ACADL: variants seen among roughly 807,000 people sequenced by gnomAD.
ACADL encodes the protein acyl-CoA dehydrogenase long chain, also known as long-chain specific acyl-CoA dehydrogenase, mitochondrial.
In ACADL, 60 loss-of-function variants were observed where a neutral mutation model predicts 56.9. That is an observed-to-expected ratio of 1.05 (90% CI 0.86 to 1.31). The LOEUF (loss-of-function observed/expected upper bound fraction) is 1.31, where lower values mean the gene tolerates loss of function less well. ACADL is among the 50% of genes most tolerant of loss of function. The pLI is 0.00. For missense variants in ACADL, 484 were observed against 525.5 expected, an observed-to-expected ratio of 0.92 and a Z score of 0.77; for synonymous variants, 158 against 179.7, an observed-to-expected ratio of 0.88 and a Z score of 0.97.
At chr2:210,220,128 T>C (rs574604238) in intron 2 of ACADL, among the ~76,000 whole-genome samples, 6 of 152,336 alleles carry the variant, frequency 3.9e-5, no homozygotes, top group African/African-American at 1.4e-4. Context: ...ATTTTCAACT[T>C]GTAACCCCAT....
At chr2:210,204,769 C>A (rs899252966) in intron 6 of ACADL, 87 bp from the exon 7 acceptor site, 3 of 1,161,752 alleles carry the variant, frequency 2.6e-6, no homozygotes, top group Non-Finnish European at 3.8e-6. Flanking sequence ...ATTATTTTTT[C>A]CAAAAAAACA....
In ACADL at chr2:210,212,618, C is replaced by T. The variant is rs114721970; in HGVS notation, c.537-2356G>A. Among the ~76,000 whole-genome samples the T allele has an allele frequency of 1.6e-3, 248 of 152,238 alleles. 1 individual carries two copies. Among genetic ancestry groups the T allele is most frequent in the African/African-American group, 5.7e-3 (237 of 41,524 alleles). ...GTCTCTGCTAATTTGTCACAGACGC[C>T]ATAAAGCAACAAATATACTCTCTTA... On this transcript the variant is annotated intron_variant, in intron 4 of 10. Coordinates refer to ENST00000233710, the MANE Select transcript of ACADL (RefSeq NM_001608.4).
At chr2:210,191,528 A>G (rs1257969676) in intron 10 of ACADL, among the ~76,000 whole-genome samples, 3 of 152,204 alleles carry the variant, frequency 2.0e-5, no homozygotes, top group Non-Finnish European at 2.9e-5. Context: ...ACTAAACCAC[A>G]CAAACATTGA....
Position 210,205,767 on chromosome 2 carries a change from A to G in ACADL, c.633T>C (p.Asp211=). 1 of 1,614,086 alleles carries G rather than the reference A, an allele frequency of 6.2e-7. No homozygotes were observed. Among genetic ancestry groups the G allele is most frequent in the South Asian group, 1.1e-5 (1 of 91,086 alleles). ...TTGTGACCGCAACTACAATCACAAC[A>G]TCACTTAATGACCCATTACTGATGA... ...KVFISNGSLS[D]VVIVVAVTNH... The change falls in exon 6 of 11, where the codon GAT becomes GAC. Residue 211 remains aspartate (D), a synonymous_variant. Transcript: ENST00000233710.
intron 5 of ACADL, among the ~76,000 whole-genome samples, chr2:210,207,904 G>A (rs1042956287): frequency 6.6e-6 from 1 of 152,046 alleles, no homozygotes; most frequent in African/African-American, 2.4e-5. Flanking sequence ...ATTCTTTTTG[G>A]CACAGAGGAG....
At chr2:210,202,136 T>A (rs1017189736) in intron 8 of ACADL, among the ~76,000 whole-genome samples, 11 of 152,116 alleles carry the variant, frequency 7.2e-5, no homozygotes, top group African/African-American at 2.4e-4. Flanking sequence ...TAGCCCAGGC[T>A]GGATGGAGTG....
chr2:210,197,244 T>A (rs1688725066), intron 8 of ACADL, among the ~76,000 whole-genome samples: 1 of 152,188 alleles, frequency 6.6e-6, no homozygotes, highest in Non-Finnish European at 1.5e-5. Flanking sequence ...TGGCATCGAA[T>A]GATTCCAAAA....
chr2:210,219,623 T>C (rs995305447), intron 2 of ACADL, among the ~76,000 whole-genome samples: 1 of 152,198 alleles, frequency 6.6e-6, no homozygotes, highest in Admixed American at 6.5e-5. Context: ...GAAGTTACTT[T>C]TAATGCTATT....
At chr2:210,191,515 T>C (rs1270897512) in intron 10 of ACADL, among the ~76,000 whole-genome samples, 2 of 152,160 alleles carry the variant, frequency 1.3e-5, no homozygotes, top group Admixed American at 1.3e-4. Context: ...TTCTTAAATG[T>C]GAACTAAACC....
chr2:210,209,284 C>T (rs59610629), intron 5 of ACADL, among the ~76,000 whole-genome samples: 12 of 152,292 alleles, frequency 7.9e-5, no homozygotes, highest in African/African-American at 1.7e-4. Context: ...CTTTCCTTCA[C>T]GTAACACTCA....
In ACADL at chr2:210,188,915, T is replaced by TA; in HGVS notation, c.*45dup. 2.2e-6 allele frequency: 3 copies of TA among 1,380,138 alleles called. No individual in the cohort carries two copies. The highest frequency in any genetic ancestry group is 3.1e-6 in the Non-Finnish European group (3 of 966,804). The allele number at this position is 1,380,138 out of a possible 1,614,324, so 85.5% of individuals were successfully genotyped here. A position where few individuals can be genotyped will look rare whatever the true frequency, so the allele number is the denominator to read the frequency against. The stretch of plus-strand genomic sequence containing the variant: ...AGTTACATTTTATCTTGAGCAGATT[T>TA]AAAACGAGATTAGCTGTAATAGGAC... On this transcript the variant is annotated 3_prime_UTR_variant, in exon 11 of 11. Transcript: ENST00000233710.
chr2:210,218,993 G>A (rs561127336), intron 2 of ACADL, among the ~76,000 whole-genome samples: 145 of 152,220 alleles, frequency 9.5e-4, no homozygotes, highest in Non-Finnish European at 1.3e-3. Flanking sequence ...GAAACAGATG[G>A]CTAGTTGGAG....
chr2:210,209,983 T>G, intron 5 of ACADL: 1 of 485,634 alleles, frequency 2.1e-6, no homozygotes. Flanking sequence ...CTTTGCCATA[T>G]TAGTGAGGGG....
intron 2 of ACADL, 34 bp downstream of exon 2, chr2:210,220,611 AGT>A: frequency 6.3e-7 from 1 of 1,595,252 alleles, no homozygotes; most frequent in Non-Finnish European, 8.6e-7. Flanking sequence ...TAATACCCCT[AGT>A]ATACATTACA....
intron 4 of ACADL, 84 bp downstream of exon 4, chr2:210,216,263 G>A (rs1689083874): frequency 1.4e-6 from 2 of 1,460,186 alleles, no homozygotes; most frequent in South Asian, 2.3e-5. Flanking sequence ...CTAGCATATA[G>A]CTCAGTCTAT....
chr2:210,223,796 TG>T (rs1336263868), intron 1 of ACADL, among the ~76,000 whole-genome samples: 2 of 152,244 alleles, frequency 1.3e-5, no homozygotes, highest in Non-Finnish European at 2.9e-5. Flanking sequence ...CTGTTATTTA[TG>T]TTAACATGTA....
Position 210,192,046 on chromosome 2 carries a change from G to A in ACADL, c.1199+758C>T, listed in dbSNP as rs560018439. On this transcript the variant is annotated intron_variant, in intron 10 of 10. Coordinates refer to ENST00000233710, the MANE Select transcript of ACADL (RefSeq NM_001608.4). ...TATATTTGATTTCTTTCAATTTGAA[G>A]GAAATAAATCTATTTAGAAAGAAGA... Among the ~76,000 whole-genome samples the A allele has an allele frequency of 3.4e-3, 519 of 151,850 alleles. 4 individuals are homozygous for A. The highest frequency in any genetic ancestry group is 6.1e-3 in the Non-Finnish European group (412 of 67,946).
chr2:210,225,217 T>C lies in ACADL; in HGVS notation c.47A>G (p.His16Arg). ...GGCGGGCAGCTGGCGCGGCGCACGG[T>C]GGCCGCCCAGGACGCGTAGGGACCC... ...LRGSLRVLGG[H>R]RAPRQLPAAR... The change falls in exon 1 of 11, where the codon CAC (histidine) becomes CGC (arginine). Residue 16 changes from histidine to arginine, a missense_variant. By Grantham distance (29) the His-to-Arg change is conservative. Transcript: ENST00000233710. 6 of 1,545,748 alleles carry C rather than the reference T, an allele frequency of 3.9e-6. No individual in the cohort carries two copies. The highest frequency in any genetic ancestry group is 5.2e-6 in the Non-Finnish European group (6 of 1,151,668).
intron 5 of ACADL, chr2:210,209,811 A>T (rs1688948715): frequency 5.5e-6 from 1 of 180,184 alleles, no homozygotes; most frequent in Non-Finnish European, 1.2e-5. Context: ...CTTCTCCTAG[A>T]ATCTTTTGAA....
Sources: allele counts gnomAD v4.1 joint callset (sites outside exome capture counted in the v4.1 genomes callset), GRCh38; gene constraint gnomAD v4.1.1; transcripts MANE v1.5; gene names NCBI Gene and HGNC (gene_info 2026-07-23, HGNC 2026-07-21).